The following SUMF1 variants were observed in gnomAD, a reference collection of about 807,000 sequenced individuals.
SUMF1 encodes sulfatase modifying factor 1.
In SUMF1, 48 loss-of-function variants were observed where a neutral mutation model predicts 47.6. The observed-to-expected ratio is 1.01, with a 90% CI of 0.80 to 1.28. SUMF1 has a LOEUF of 1.28. Ranked by LOEUF, SUMF1 falls within the 50% of genes most tolerant of loss-of-function variation. The pLI is 0.00. For missense variants in SUMF1, 571 were observed against 485.4 expected (o/e 1.18, Z -1.66); for synonymous variants, 230 against 192.1 (o/e 1.20, Z -1.63).
At chr3:4,408,717 T>C (rs913970049) in intron 7 of SUMF1, among the ~76,000 whole-genome samples, 11 of 152,156 alleles carry the variant, frequency 7.2e-5, no homozygotes, top group African/African-American at 2.7e-4. Context: ...ACACCTGTAA[T>C]CCCAGAACTT....
intron 8 of SUMF1, 60 bp downstream of exon 8, chr3:4,376,270 T>C (rs1171572812): frequency 5.0e-6 from 8 of 1,586,868 alleles, no homozygotes; most frequent in Non-Finnish European, 6.1e-6. Context: ...TCATTTACAA[T>C]GGATCCATAA....
chr3:4,461,033 A>G (rs2079802496), intron 1 of SUMF1, among the ~76,000 whole-genome samples: 7 of 152,212 alleles, frequency 4.6e-5, no homozygotes, highest in Admixed American at 4.6e-4. Flanking sequence ...TTTTATTTCT[A>G]TATCCCCACT....
At chr3:4,418,739 A>G (rs1701799562) in intron 4 of SUMF1, among the ~76,000 whole-genome samples, 1 of 152,114 alleles carries the variant, frequency 6.6e-6, no homozygotes, top group African/African-American at 2.4e-5. Context: ...TTTCCAGAGA[A>G]CCCAACCTGT....
chr3:4,143,123 C>G (rs536852425), intron 8 of SUMF1, among the ~76,000 whole-genome samples: 1 of 152,040 alleles, frequency 6.6e-6, no homozygotes, highest in East Asian at 1.9e-4. Flanking sequence ...ATGTTTGCCT[C>G]GGGAGTTTAT....
chr3:4,349,332 C>T (rs1699438615), intron 8 of SUMF1, among the ~76,000 whole-genome samples: 1 of 152,086 alleles, frequency 6.6e-6, no homozygotes, highest in Non-Finnish European at 1.5e-5. Flanking sequence ...AATCAAGAAA[C>T]AATAGAGGCT....
At chr3:4,225,157 C>T (rs967143871) in intron 8 of SUMF1, among the ~76,000 whole-genome samples, 1 of 152,116 alleles carries the variant, frequency 6.6e-6, no homozygotes, top group African/African-American at 2.4e-5. Flanking sequence ...GGGAGAAAAA[C>T]ATCTCCACCC....
chr3:4,251,042 A>G (rs148203761), intron 8 of SUMF1, among the ~76,000 whole-genome samples: 1 of 152,334 alleles, frequency 6.6e-6, no homozygotes, highest in African/African-American at 2.4e-5. Flanking sequence ...TGCCATAGAT[A>G]ATGATTCCTC....
At chr3:4,306,365 T>C (rs947547617) in intron 8 of SUMF1, among the ~76,000 whole-genome samples, 1 of 152,208 alleles carries the variant, frequency 6.6e-6, no homozygotes, top group Admixed American at 6.5e-5. Context: ...TTTCTATTTC[T>C]CAAAGTGTAT....
chr3:4,186,809 T>C (rs542086217), intron 8 of SUMF1, among the ~76,000 whole-genome samples: 1 of 152,280 alleles, frequency 6.6e-6, no homozygotes, highest in African/African-American at 2.4e-5. Context: ...TGATGCCAGA[T>C]ATTCATGAGG....
At chr3:4,055,852 G>C (rs1273792425) in intron 9 of SUMF1, among the ~76,000 whole-genome samples, 1 of 152,128 alleles carries the variant, frequency 6.6e-6, no homozygotes, top group Non-Finnish European at 1.5e-5. Context: ...TGTTGGCAAG[G>C]CCATATTCCT....
At chr3:4,039,113 A>C (rs920364728) in intron 9 of SUMF1, among the ~76,000 whole-genome samples, 3 of 151,918 alleles carry the variant, frequency 2.0e-5, no homozygotes, top group Non-Finnish European at 2.9e-5. Context: ...ATTACAGAGA[A>C]TTGAAATACA....
At chr3:4,389,067 C>T (rs576806121) in intron 7 of SUMF1, among the ~76,000 whole-genome samples, 21 of 152,146 alleles carry the variant, frequency 1.4e-4, no homozygotes, top group Middle Eastern at 3.4e-3. Flanking sequence ...CCTTCCAGTC[C>T]GATATTCAAA....
intron 8 of SUMF1, among the ~76,000 whole-genome samples, chr3:4,170,396 T>C (rs1288039930): frequency 2.6e-5 from 4 of 152,206 alleles, no homozygotes; most frequent in South Asian, 2.1e-4. Context: ...TGAGCATTTG[T>C]ATTTCTAACA....
At chr3:4,380,514 AC>A (rs923403093) in intron 7 of SUMF1, among the ~76,000 whole-genome samples, 12 of 151,816 alleles carry the variant, frequency 7.9e-5, no homozygotes, top group East Asian at 3.9e-4. Flanking sequence ...TCTACACCAA[AC>A]CCCCACGGCC....
intron 9 of SUMF1, among the ~76,000 whole-genome samples, chr3:4,036,195 C>T (rs1436868209): frequency 6.6e-6 from 1 of 152,186 alleles, no homozygotes; most frequent in African/African-American, 2.4e-5. Flanking sequence ...AATTGAGCTA[C>T]TCAGTGATTA....
chr3:4,251,538 A>C (rs1696801673), intron 8 of SUMF1, among the ~76,000 whole-genome samples: 1 of 152,210 alleles, frequency 6.6e-6, no homozygotes, highest in African/African-American at 2.4e-5. Context: ...TTACAGAGAA[A>C]TCTTTTCTGA....
chr3:4,238,533 A>G (rs899343430), intron 8 of SUMF1, among the ~76,000 whole-genome samples: 1 of 152,166 alleles, frequency 6.6e-6, no homozygotes, highest in Non-Finnish European at 1.5e-5. Flanking sequence ...ACCAGTGACG[A>G]TGAGTTTTTC....
chr3:4,096,827 A>G (rs1692915949), intron 8 of SUMF1, among the ~76,000 whole-genome samples: 1 of 152,090 alleles, frequency 6.6e-6, no homozygotes, highest in African/African-American at 2.4e-5. Context: ...CTACTATGTG[A>G]AGGGGACAGC....
intron 9 of SUMF1, among the ~76,000 whole-genome samples, chr3:4,055,523 C>T (rs904358347): frequency 6.6e-6 from 1 of 152,074 alleles, no homozygotes; most frequent in African/African-American, 2.4e-5. Flanking sequence ...CGCTCTGTCA[C>T]TCCAGTTGGA....
Sources: gnomAD v4.1 joint callset for allele counts (sites outside exome capture counted in the v4.1 genomes callset) on GRCh38, gnomAD v4.1.1 for gene constraint, MANE v1.5 for transcripts, NCBI Gene and HGNC (gene_info 2026-07-23, HGNC 2026-07-21) for gene names.